Variants in TMCO5A observed in about 807,000 individuals in gnomAD.
The protein encoded by TMCO5A is transmembrane and coiled-coil domain-containing protein 5A.
Under a neutral mutation model 42.3 loss-of-function variants are expected in TMCO5A, and 34 were observed. The ratio of observed to expected loss-of-function variants is 0.80; its 90% CI spans 0.61 to 1.07. TMCO5A has a LOEUF of 1.07. Among genes scored for constraint, TMCO5A ranks in the 50% least tolerant of loss-of-function variants. TMCO5A has a pLI of 0.00. For missense variants in TMCO5A, 357 were observed against 327.9 expected, an observed-to-expected ratio of 1.09 and a Z score of -0.69; for synonymous variants, 131 against 115.6, an observed-to-expected ratio of 1.13 and a Z score of -0.86.
downstream of TMCO5A, among the ~76,000 whole-genome samples, chr15:37,970,265 G>T (rs1890649082): frequency 6.6e-6 from 1 of 152,196 alleles, no homozygotes; most frequent in African/African-American, 2.4e-5. Context: ...GAAGGTGAAA[G>T]TCATGTCTCA....
Position 37,936,298 on chromosome 15 carries a change from G to T in TMCO5A, c.-10-16G>T. ...AGATAACTGGCCCTTGTTCATTTTG[G>T]GGGCTGAGTCTATAGGTCGGAGAAA... On this transcript the variant is annotated splice_polypyrimidine_tract_variant and intron_variant, in intron 2 of 11. Coordinates refer to ENST00000319669, the MANE Select transcript of TMCO5A (RefSeq NM_152453.4). The T allele has an allele frequency of 6.3e-7, 1 of 1,594,904 alleles. No individual in the cohort carries two copies. The highest frequency in any genetic ancestry group is 8.5e-7 in the Non-Finnish European group (1 of 1,173,366).
At position 37,942,203 on chromosome 15, in the gene TMCO5A, A is replaced by G; in HGVS notation, c.517A>G (p.Thr173Ala). 1 of 1,612,804 alleles carries G rather than the reference A, an allele frequency of 6.2e-7. No homozygotes were observed. Among genetic ancestry groups the G allele is most frequent in the African/African-American group, 1.3e-5 (1 of 74,952 alleles). The change falls in exon 9 of 12, where the codon ACG becomes GCG. Residue 173 changes from threonine (T) to alanine (A), a missense_variant. Thr to Ala is a moderately conservative substitution (Grantham distance 58). Coordinates refer to ENST00000319669, the MANE Select transcript of TMCO5A (RefSeq NM_152453.4). ...QALYIKKYQE[T>A]LKKIEEELEA... ...TTTCTCTTTGAAGAAGTACCAGGAA[A>G]CGTTGAAGAAAATAGAAGAAGAACT...
the TMCO5A span, among the ~76,000 whole-genome samples, chr15:37,974,132 T>A: frequency 2.0e-5 from 3 of 152,134 alleles, no homozygotes; most frequent in African/African-American, 7.2e-5. Context: ...TGGTTGATTA[T>A]TTTTTTGATG....
the TMCO5A span, among the ~76,000 whole-genome samples, chr15:38,015,881 A>T: frequency 6.6e-6 from 1 of 152,364 alleles, no homozygotes; most frequent in African/African-American, 2.4e-5. Flanking sequence ...AAGTAAAAGC[A>T]TCAGTGGCTG....
chr15:37,982,608 A>C, the TMCO5A span, among the ~76,000 whole-genome samples: 1 of 135,800 alleles, frequency 7.4e-6, no homozygotes, highest in African/African-American at 3.1e-5. Flanking sequence ...TTTATAATAT[A>C]TAATTATATA....
the TMCO5A span, among the ~76,000 whole-genome samples, chr15:38,025,722 T>G: frequency 2.0e-5 from 3 of 152,246 alleles, no homozygotes; most frequent in East Asian, 3.9e-4. Flanking sequence ...CTCACTGTAC[T>G]CCCATAATTT....
the TMCO5A span, among the ~76,000 whole-genome samples, chr15:38,029,367 C>CCACACACACACACACA: frequency 6.8e-6 from 1 of 147,954 alleles, no homozygotes; most frequent in African/African-American, 2.5e-5. Context: ...CATGAATACA[C>CCACACACACACACACA]CACACACACA....
Position 37,936,923 on chromosome 15 carries a change from G to A in TMCO5A, c.217G>A (p.Glu73Lys), listed in dbSNP as rs747873511. 6.2e-7 allele frequency: 1 copy of A among 1,612,672 alleles called. No homozygotes were observed. The highest frequency in any genetic ancestry group is 2.2e-5 in the East Asian group (1 of 44,758). ...GGAGAAGGAGAACCGCACCACGATG[G>A]AAAGGGAAAGAGCCTTGCAGGAGCT... The part of the protein sequence containing the change: ...EWEKENRTTM[E>K]RERALQELEE... The change falls in exon 4 of 12, where the codon GAA becomes AAA. Residue 73 changes from glutamate (E) to lysine (K), a missense_variant. Coordinates refer to ENST00000319669, the MANE Select transcript of TMCO5A (RefSeq NM_152453.4).
At chr15:37,965,227 G>T (rs763437194) in intron 11 of TMCO5A, among the ~76,000 whole-genome samples, 1 of 152,036 alleles carries the variant, frequency 6.6e-6, no homozygotes, top group Non-Finnish European at 1.5e-5. Flanking sequence ...AAAATGAAAC[G>T]AAATCCCTGT....
chr15:38,037,558 A>G, the TMCO5A span, among the ~76,000 whole-genome samples: 1 of 152,210 alleles, frequency 6.6e-6, no homozygotes, highest in Non-Finnish European at 1.5e-5. Flanking sequence ...GAAAATTCCT[A>G]CTAATAGCCA....
the TMCO5A span, among the ~76,000 whole-genome samples, chr15:37,999,179 T>A: frequency 6.6e-6 from 1 of 152,348 alleles, no homozygotes; most frequent in African/African-American, 2.4e-5. Flanking sequence ...GTGCTGGGAT[T>A]ACAGGCGTGA....
At chr15:37,976,527 CTCTT>C in the TMCO5A span, among the ~76,000 whole-genome samples, 2 of 152,130 alleles carry the variant, frequency 1.3e-5, no homozygotes, top group Non-Finnish European at 2.9e-5. Flanking sequence ...TTCTCTCCCT[CTCTT>C]TCAGGATAGC....
chr15:37,937,004 G>A, intron 4 of TMCO5A, 34 bp downstream of exon 4: 6 of 1,609,442 alleles, frequency 3.7e-6, no homozygotes, highest in Non-Finnish European at 5.1e-6. Flanking sequence ...CATTTAATAG[G>A]TTGCATTCCT....
the TMCO5A span, among the ~76,000 whole-genome samples, chr15:38,013,859 T>A: frequency 6.6e-6 from 1 of 152,164 alleles, no homozygotes; most frequent in African/African-American, 2.4e-5. Context: ...AGGTCAGAAA[T>A]CAAAAATGGG....
the TMCO5A span, among the ~76,000 whole-genome samples, chr15:38,016,077 C>T: frequency 6.6e-6 from 1 of 152,018 alleles, no homozygotes; most frequent in Non-Finnish European, 1.5e-5. Flanking sequence ...GATACTGGGA[C>T]GTCAATGTAG....
At chr15:38,007,908 T>G in the TMCO5A span, among the ~76,000 whole-genome samples, 2 of 97,820 alleles carry the variant, frequency 2.0e-5, no homozygotes, top group South Asian at 7.9e-4. Flanking sequence ...TTTTTTTTTT[T>G]TTTGTGAGAC....
chr15:38,011,701 C>T, the TMCO5A span, among the ~76,000 whole-genome samples: 1 of 152,068 alleles, frequency 6.6e-6, no homozygotes, highest in African/African-American at 2.4e-5. Context: ...TCTGCAAATG[C>T]CCAAAATTCA....
chr15:37,936,630 T>A (rs1021605769), intron 3 of TMCO5A, among the ~76,000 whole-genome samples, 167 bp downstream of exon 3: 11 of 152,120 alleles, frequency 7.2e-5, no homozygotes, highest in African/African-American at 2.7e-4. Flanking sequence ...ATAGCAAGTT[T>A]CAAATAGATT....
At chr15:37,941,330 G>A in intron 7 of TMCO5A, 125 bp downstream of exon 7, 1 of 955,892 alleles carries the variant, frequency 1.0e-6, no homozygotes, top group Non-Finnish European at 1.6e-6. Context: ...GATGGGGCTA[G>A]GGAGGGGTAA....
Sources: gnomAD v4.1 joint callset for allele counts (sites outside exome capture counted in the v4.1 genomes callset) on GRCh38, gnomAD v4.1.1 for gene constraint, MANE v1.5 for transcripts, NCBI Gene and HGNC (gene_info 2026-07-23, HGNC 2026-07-21) for gene names.